The following PPEF1 variants were observed in gnomAD, a reference collection of about 807,000 sequenced individuals.
PPEF1 encodes protein phosphatase with EF-hand domain 1, also known as serine/threonine-protein phosphatase with EF-hands 1.
A neutral mutation model predicts 53.3 loss-of-function variants in PPEF1; 12 were observed. The observed-to-expected ratio is 0.23, with a 90% confidence interval of 0.14 to 0.36. PPEF1 has a LOEUF of 0.36. Ranked by LOEUF, PPEF1 falls within the 10% of genes least tolerant of loss-of-function variation. PPEF1 has a pLI of 1.00. For synonymous variants in PPEF1, 165 were observed against 176.7 expected, an observed-to-expected ratio of 0.93 and a Z score of 0.52; for missense variants, 334 against 490.4, an observed-to-expected ratio of 0.68 and a Z score of 3.01.
intron 1 of PPEF1, among the ~76,000 whole-genome samples, chrX:18,726,356 A>C (rs112844594): frequency 1.7e-4 from 17 of 98,384 alleles, no homozygotes; most frequent in African/African-American, 6.4e-4. Flanking sequence ...TGACTCAAAT[A>C]AATAAATAAA....
At chrX:18,677,992 CT>C (rs1321189878), upstream of PPEF1, among the ~76,000 whole-genome samples, 5 of 109,940 alleles carry the variant, frequency 4.5e-5, no homozygotes, top group African/African-American at 1.3e-4. Context: ...GGCCGGGGCG[CT>C]GCCAAACATC....
chrX:18,777,153 G>A (rs1373150515), intron 6 of PPEF1, among the ~76,000 whole-genome samples: 2 of 112,211 alleles, frequency 1.8e-5, no homozygotes, highest in Non-Finnish European at 3.8e-5. Flanking sequence ...GGACACATGG[G>A]TAATGAATGG....
chrX:18,804,127 A>T (rs1212273480), intron 11 of PPEF1, 50 bp downstream of exon 11: 1 of 1,077,944 alleles, frequency 9.3e-7, no homozygotes, highest in African/African-American at 1.9e-5. Context: ...TCCCCTAAGC[A>T]CAGTCTTTTC....
At chrX:18,718,328 TGGGAGGCTGAGGC>T (rs2147324810) in intron 1 of PPEF1, among the ~76,000 whole-genome samples, 1 of 111,180 alleles carries the variant, frequency 9.0e-6, no homozygotes, top group South Asian at 3.8e-4. Context: ...CCCAGCACTT[TGGGAGGCTGAGGC>T]GGGAGGATCA....
chrX:18,788,304 CAAAAAA>C (rs1214682551), intron 9 of PPEF1, among the ~76,000 whole-genome samples: 7 of 30,293 alleles, frequency 2.3e-4, no homozygotes, highest in South Asian at 2.4e-3. Flanking sequence ...GACTCTGTCT[CAAAAAA>C]AAAAAAAAAA....
At chrX:18,773,788 A>G (rs902805704) in intron 6 of PPEF1, among the ~76,000 whole-genome samples, 2 of 111,553 alleles carry the variant, frequency 1.8e-5, no homozygotes, top group African/African-American at 6.5e-5. Context: ...CTCTCTCAAT[A>G]AGATAACTGT....
chrX:18,790,936 G>T (rs958664102), intron 10 of PPEF1, among the ~76,000 whole-genome samples: 2 of 110,788 alleles, frequency 1.8e-5, no homozygotes. Flanking sequence ...CTCCCAAACT[G>T]CTGGGATTAC....
rs187613585 is a variant in PPEF1, at chrX:18,794,859, A to G, written c.1065+5586A>G. 2.8e-3 allele frequency among the ~76,000 whole-genome samples: 310 copies of G among 112,387 alleles called. 2 individuals are homozygous for G. The highest frequency in any genetic ancestry group is 9.6e-3 in the African/African-American group (297 of 30,984). ...ATCCACTTGAAGTAGAGCATCCTTC[A>G]TGCTGATCAGTGAAGGGGGTTAGAG... On this transcript the variant is annotated intron_variant, in intron 10 of 15. Coordinates refer to ENST00000470157, the MANE Select transcript of PPEF1 (RefSeq NM_001377996.1).
intron 12 of PPEF1, among the ~76,000 whole-genome samples, chrX:18,811,300 G>A (rs1054152312): frequency 2.7e-4 from 30 of 110,882 alleles, no homozygotes; most frequent in African/African-American, 8.2e-4. Context: ...TGATTTGCCC[G>A]CCTCGGCCTC....
At chrX:18,729,750 C>T (rs1040463276) in intron 1 of PPEF1, among the ~76,000 whole-genome samples, 1 of 112,082 alleles carries the variant, frequency 8.9e-6, no homozygotes, top group South Asian at 3.7e-4. Flanking sequence ...CTTTGGGGTA[C>T]GTAGTGAAGA....
intron 6 of PPEF1, among the ~76,000 whole-genome samples, chrX:18,772,030 C>T (rs926813272): frequency 7.2e-5 from 8 of 111,287 alleles, no homozygotes; most frequent in South Asian, 3.8e-4. Context: ...GGCAGGGATT[C>T]GCTTGAGAAT....
At chrX:18,816,172 A>G (rs1398545913) in intron 12 of PPEF1, among the ~76,000 whole-genome samples, 1 of 110,332 alleles carries the variant, frequency 9.1e-6, no homozygotes, top group East Asian at 2.8e-4. Flanking sequence ...GCACTACTTC[A>G]TATGTTTTGG....
upstream of PPEF1, among the ~76,000 whole-genome samples, chrX:18,675,692 C>T (rs1928646117): frequency 8.9e-6 from 1 of 112,313 alleles, no homozygotes; most frequent in Non-Finnish European, 1.9e-5. Context: ...GGGCCCAGTG[C>T]AAAATGAAGA....
At chrX:18,811,521 TTTAA>T (rs1269992914) in intron 12 of PPEF1, among the ~76,000 whole-genome samples, 1 of 108,762 alleles carries the variant, frequency 9.2e-6, no homozygotes, top group Non-Finnish European at 1.9e-5. Flanking sequence ...ATTTTCCATT[TTTAA>T]TTGTCACTCT....
chrX:18,825,668 T>G (rs2047152375), intron 14 of PPEF1, 83 bp from the exon 15 acceptor site: 12 of 559,686 alleles, frequency 2.1e-5, no homozygotes, highest in Non-Finnish European at 3.3e-5. Flanking sequence ...TTGTTGATGA[T>G]GTTTTCTGTT....
At chrX:18,730,854 A>T (rs752488006) in intron 2 of PPEF1, among the ~76,000 whole-genome samples, 47 of 110,257 alleles carry the variant, frequency 4.3e-4, no homozygotes, top group Non-Finnish European at 7.8e-4. Flanking sequence ...AGCTAGGATT[A>T]TAGGCACCCA....
chrX:18,721,337 A>G (rs2044584971), intron 1 of PPEF1, among the ~76,000 whole-genome samples: 1 of 112,379 alleles, frequency 8.9e-6, no homozygotes, highest in African/African-American at 3.2e-5. Flanking sequence ...TTCTACAGGG[A>G]TGATTCCGAT....
chrX:18,781,896 A>G (rs940342278), intron 7 of PPEF1, among the ~76,000 whole-genome samples: 2 of 111,115 alleles, frequency 1.8e-5, no homozygotes, highest in African/African-American at 6.6e-5. Context: ...ATAACAAGCC[A>G]ACTTGTTACC....
intron 1 of PPEF1, among the ~76,000 whole-genome samples, chrX:18,712,804 A>AT (rs1239498055): frequency 5.4e-5 from 6 of 111,550 alleles, no homozygotes; most frequent in Non-Finnish European, 1.1e-4. Context: ...TAGTTTATTG[A>AT]TTTTTTTATT....
Sources: allele counts gnomAD v4.1 joint callset (sites outside exome capture counted in the v4.1 genomes callset), GRCh38; gene constraint gnomAD v4.1.1; transcripts MANE v1.5; gene names NCBI Gene and HGNC (gene_info 2026-07-23, HGNC 2026-07-21).